PANK1: variants seen among roughly 807,000 people sequenced by gnomAD.
PANK1 encodes the protein pantothenic acid kinase 1.
A neutral mutation model predicts 40.1 loss-of-function variants in PANK1; 18 were observed. That is an observed-to-expected ratio of 0.45 (90% confidence interval 0.31 to 0.67). The LOEUF (loss-of-function observed/expected upper bound fraction) is 0.67. PANK1 is among the 30% of genes least tolerant of loss of function. The pLI is 0.06. For missense variants in PANK1, 457 were observed against 599.6 expected, an observed-to-expected ratio of 0.76 and a Z score of 2.48; for synonymous variants, 242 against 237.7, an observed-to-expected ratio of 1.02 and a Z score of -0.17.
At chr10:89,619,947 G>A (rs141114540) in intron 1 of PANK1, among the ~76,000 whole-genome samples, 157 of 152,266 alleles carry the variant, frequency 1.0e-3, no homozygotes, top group Admixed American at 2.2e-3. Context: ...ACATTTATTA[G>A]TTCCTGAAAT....
chr10:89,623,818 G>T (rs150641259), intron 1 of PANK1, among the ~76,000 whole-genome samples: 1 of 152,150 alleles, frequency 6.6e-6, no homozygotes. Context: ...ACTCCCAAGA[G>T]CAAAGTTATT....
chr10:89,597,868 C>T (rs756254078), intron 3 of PANK1, among the ~76,000 whole-genome samples: 6 of 152,178 alleles, frequency 3.9e-5, no homozygotes, highest in South Asian at 2.1e-4. Flanking sequence ...CATGAGGTCA[C>T]GGAGTCAGTT....
intron 1 of PANK1, among the ~76,000 whole-genome samples, chr10:89,636,571 C>T (rs921106717): frequency 3.9e-5 from 6 of 152,186 alleles, no homozygotes; most frequent in Admixed American, 3.3e-4. Flanking sequence ...GCTGCCTCAG[C>T]CTCCCGAGTA....
intron 1 of PANK1, among the ~76,000 whole-genome samples, chr10:89,629,540 G>A (rs12246250): frequency 0.32 from 48,363 of 151,990 alleles, 8,266 homozygotes; most frequent in East Asian, 0.73. Context: ...ACTTTTAAAA[G>A]TTCCATCTTA....
At chr10:89,618,997 C>T (rs11185802) in intron 1 of PANK1, among the ~76,000 whole-genome samples, 23,092 of 152,150 alleles carry the variant, frequency 0.15, 2,203 homozygotes, top group East Asian at 0.45. Flanking sequence ...AATCAAAATC[C>T]TTCGCGGTTT....
chr10:89,616,229 G>A (rs1845310274), intron 1 of PANK1, among the ~76,000 whole-genome samples: 1 of 152,148 alleles, frequency 6.6e-6, no homozygotes, highest in South Asian at 2.1e-4. Context: ...AAAACCAAGT[G>A]CTACAGATAA....
intron 1 of PANK1, among the ~76,000 whole-genome samples, chr10:89,640,547 T>C (rs1337861868): frequency 1.3e-5 from 2 of 152,168 alleles, no homozygotes; most frequent in Non-Finnish European, 2.9e-5. Flanking sequence ...CCACAGTGGA[T>C]ACACTAAATA....
intron 1 of PANK1, among the ~76,000 whole-genome samples, chr10:89,641,927 T>G (rs1281278978): frequency 6.6e-6 from 1 of 152,090 alleles, no homozygotes; most frequent in East Asian, 1.9e-4. Context: ...CACTTGGAGA[T>G]CACCTAGCCT....
chr10:89,603,254 T>G (rs1386196836), intron 2 of PANK1, among the ~76,000 whole-genome samples: 1 of 152,308 alleles, frequency 6.6e-6, no homozygotes, highest in African/African-American at 2.4e-5. Context: ...GTGATGTCAA[T>G]AAACACATAA....
At position 89,593,335 on chromosome 10, in the gene PANK1, T is replaced by A. The variant is rs1589762922; in HGVS notation, c.1077-15A>T. Reference sequence around the variant, plus strand: ...TGTTGCCAAAGCTATGTTGGAAATATCAGCGAGAGTGTTCAAAATCGTCCT... The same window carrying A: ...TGTTGCCAAAGCTATGTTGGAAATAACAGCGAGAGTGTTCAAAATCGTCCT... On this transcript the variant is annotated splice_polypyrimidine_tract_variant and intron_variant, in intron 4 of 6. Transcript: ENST00000307534. 2 of 1,612,468 alleles carry A rather than the reference T, an allele frequency of 1.2e-6. No individual in the cohort carries two copies. The highest frequency in any genetic ancestry group is 2.2e-5 in the South Asian group (2 of 90,918).
At chr10:89,624,307 A>G (rs1338613730) in intron 1 of PANK1, among the ~76,000 whole-genome samples, 28 of 152,284 alleles carry the variant, frequency 1.8e-4, no homozygotes, top group African/African-American at 3.4e-4. Flanking sequence ...TTATTTTAAA[A>G]TCAGAAGAAA....
intron 1 of PANK1, among the ~76,000 whole-genome samples, chr10:89,616,651 G>GGT (rs1224657807): frequency 7.2e-5 from 11 of 152,006 alleles, no homozygotes; most frequent in Admixed American, 3.3e-4. Flanking sequence ...AGACAGGCGC[G>GGT]GTGGTTCACG....
rs373288643 is a variant in PANK1 at position 89,605,172 on chromosome 10, C to T, written c.646-5667G>A. Among the ~76,000 whole-genome samples the T allele has an allele frequency of 2.2e-4, 33 of 152,216 alleles. No homozygotes were observed. In the South Asian group the frequency reaches 6.2e-3, roughly 29 times the overall value. Reference sequence around the variant, plus strand: ...AATCTTTTTGCTGGTGGAGGGTCTCCCCTCAATGTTGAGAGCTGCTGACTA... The same window carrying T: ...AATCTTTTTGCTGGTGGAGGGTCTCTCCTCAATGTTGAGAGCTGCTGACTA... On this transcript the variant is annotated intron_variant, in intron 2 of 6. Transcript: ENST00000307534.
chr10:89,595,833 AATAT>A (rs369831755), intron 3 of PANK1, among the ~76,000 whole-genome samples: 911 of 33,570 alleles, frequency 0.027, 22 homozygotes, highest in Admixed American at 0.036. Flanking sequence ...AAAAAAAAAA[AATAT>A]ATATATATAT....
chr10:89,600,820 A>G (rs1432329118), intron 2 of PANK1, among the ~76,000 whole-genome samples: 2 of 152,236 alleles, frequency 1.3e-5, no homozygotes, highest in Non-Finnish European at 2.9e-5. Context: ...AATCACCAAC[A>G]TGAAACTGAA....
chr10:89,639,309 A>G (rs1279589368), intron 1 of PANK1: 3 of 381,808 alleles, frequency 7.9e-6, no homozygotes, highest in South Asian at 2.0e-5. Context: ...TAACCCATAC[A>G]TGAGGGTGAA....
At chr10:89,604,876 G>A (rs1411844044) in intron 2 of PANK1, among the ~76,000 whole-genome samples, 1 of 151,342 alleles carries the variant, frequency 6.6e-6, no homozygotes, top group African/African-American at 2.4e-5. Context: ...TCAGCCTCCC[G>A]AGTAGCTGGG....
chr10:89,594,436 G>A (rs1475000234), intron 3 of PANK1, among the ~76,000 whole-genome samples: 1 of 152,212 alleles, frequency 6.6e-6, no homozygotes, highest in Admixed American at 6.5e-5. Context: ...TGTACATAAA[G>A]CATAGTTCAA....
intron 1 of PANK1, among the ~76,000 whole-genome samples, chr10:89,633,544 A>T (rs1010914727): frequency 4.8e-5 from 7 of 147,294 alleles, no homozygotes; most frequent in African/African-American, 1.7e-4. Context: ...TTTTTTTTTT[A>T]AATCAAACAT....
Sources: allele counts gnomAD v4.1 joint callset (sites outside exome capture counted in the v4.1 genomes callset), GRCh38; gene constraint gnomAD v4.1.1; transcripts MANE v1.5; gene names NCBI Gene and HGNC (gene_info 2026-07-23, HGNC 2026-07-21).